Variants in ELP4 observed in about 807,000 individuals in gnomAD.
ELP4 encodes elongator complex protein 4.
Under a neutral mutation model 48.9 loss-of-function variants are expected in ELP4, and 51 were observed. The ratio of observed to expected loss-of-function variants is 1.04; its 90% confidence interval spans 0.83 to 1.32. ELP4 has a LOEUF of 1.32. ELP4 is among the 40% of genes most tolerant of loss of function. The pLI, the probability that ELP4 is intolerant of heterozygous loss-of-function variation, is 0.00. For missense variants in ELP4, 519 were observed against 514.6 expected (o/e 1.01, Z -0.08); for synonymous variants, 210 against 189.2 (o/e 1.11, Z -0.90).
At chr11:31,778,616 G>A (rs1948298469) in intron 9 of ELP4, among the ~76,000 whole-genome samples, 1 of 152,178 alleles carries the variant, frequency 6.6e-6, no homozygotes, top group Non-Finnish European at 1.5e-5. Context: ...ATTTTATTCT[G>A]ACGAGAGTCT....
At chr11:31,738,494 G>T (rs187095447) in intron 9 of ELP4, among the ~76,000 whole-genome samples, 1 of 151,792 alleles carries the variant, frequency 6.6e-6, no homozygotes, top group African/African-American at 2.4e-5. Context: ...AGCACACTGC[G>T]GGGGGCTAAG....
intron 4 of ELP4, among the ~76,000 whole-genome samples, chr11:31,603,229 G>A (rs1052270499): frequency 6.6e-6 from 1 of 151,632 alleles, no homozygotes; most frequent in South Asian, 2.1e-4. Flanking sequence ...TATCCTATAA[G>A]CTTAATTTAA....
At chr11:31,745,340 C>G (rs1947560958) in intron 9 of ELP4, among the ~76,000 whole-genome samples, 1 of 152,252 alleles carries the variant, frequency 6.6e-6, no homozygotes, top group Admixed American at 6.5e-5. Context: ...GATTCAATGC[C>G]ATCCCCATCA....
chr11:31,595,535 G>A (rs1372414982), intron 4 of ELP4, among the ~76,000 whole-genome samples: 3 of 152,188 alleles, frequency 2.0e-5, no homozygotes, highest in Non-Finnish European at 4.4e-5. Context: ...ATCTGAATAA[G>A]ACATAGTTTC....
intron 9 of ELP4, among the ~76,000 whole-genome samples, chr11:31,783,126 A>G (rs1948417716): frequency 6.6e-6 from 1 of 152,208 alleles, no homozygotes; most frequent in South Asian, 2.1e-4. Flanking sequence ...AAAGATCTTA[A>G]TACATTTTGG....
At chr11:31,673,474 G>A (rs1182772407) in intron 9 of ELP4, among the ~76,000 whole-genome samples, 1 of 152,100 alleles carries the variant, frequency 6.6e-6, no homozygotes, top group East Asian at 1.9e-4. Flanking sequence ...TATGACTACA[G>A]ACAAGTGCCA....
chr11:31,515,355 A>G (rs1212506288), intron 1 of ELP4, among the ~76,000 whole-genome samples: 1 of 152,150 alleles, frequency 6.6e-6, no homozygotes, highest in Non-Finnish European at 1.5e-5. Flanking sequence ...TTTAATACAC[A>G]TAAGATTTTT....
At chr11:31,737,615 C>T (rs891535539) in intron 9 of ELP4, among the ~76,000 whole-genome samples, 8 of 152,124 alleles carry the variant, frequency 5.3e-5, no homozygotes, top group African/African-American at 9.6e-5. Flanking sequence ...ATATAGAGAA[C>T]GCCTATAACT....
intron 9 of ELP4, among the ~76,000 whole-genome samples, chr11:31,706,783 T>C (rs1348741729): frequency 6.6e-6 from 1 of 151,970 alleles, no homozygotes; most frequent in Non-Finnish European, 1.5e-5. Context: ...TTATAATACT[T>C]CTATGACATG....
chr11:31,701,193 C>G (rs181234925), intron 9 of ELP4, among the ~76,000 whole-genome samples: 1 of 152,200 alleles, frequency 6.6e-6, no homozygotes, highest in East Asian at 1.9e-4. Context: ...ACTTCATGCT[C>G]AAGCAGTTTC....
intron 9 of ELP4, among the ~76,000 whole-genome samples, chr11:31,762,442 T>C (rs1022458186): frequency 6.6e-6 from 1 of 152,122 alleles, no homozygotes; most frequent in Admixed American, 6.5e-5. Flanking sequence ...GTTTAAAAAA[T>C]GTAAATTTTT....
At chr11:31,639,786 C>T (rs7928438) in intron 7 of ELP4, among the ~76,000 whole-genome samples, 91,995 of 151,698 alleles carry the variant, frequency 0.61, 31,644 homozygotes, top group Non-Finnish European at 0.76. Flanking sequence ...CTTAATCTAA[C>T]CAAAACATAT....
At chr11:31,668,191 A>G (rs1175865742) in intron 9 of ELP4, among the ~76,000 whole-genome samples, 2 of 152,184 alleles carry the variant, frequency 1.3e-5, no homozygotes, top group African/African-American at 2.4e-5. Flanking sequence ...ATATTTAAAT[A>G]ATTATGCTTT....
At chr11:31,511,978 T>C (rs1342355807) in intron 1 of ELP4, 1 of 152,226 alleles carries the variant, frequency 6.6e-6, no homozygotes, top group Non-Finnish European at 1.5e-5. Flanking sequence ...CAGTGAATTC[T>C]CAAAGTGCAC....
chr11:31,579,378 G>C (rs1193307527), intron 3 of ELP4, among the ~76,000 whole-genome samples: 1 of 152,150 alleles, frequency 6.6e-6, no homozygotes, highest in Non-Finnish European at 1.5e-5. Context: ...ACAGTGTGGC[G>C]ATTCCTCAAG....
intron 5 of ELP4, among the ~76,000 whole-genome samples, chr11:31,625,811 CA>C (rs1944731701): frequency 1.3e-5 from 2 of 151,696 alleles, no homozygotes; most frequent in Non-Finnish European, 2.9e-5. Context: ...GTTGATCTAG[CA>C]GGGATAGATG....
intron 3 of ELP4, among the ~76,000 whole-genome samples, chr11:31,552,489 T>C (rs1956868677): frequency 6.6e-6 from 1 of 152,122 alleles, no homozygotes; most frequent in Non-Finnish European, 1.5e-5. Context: ...CCTGAACTGC[T>C]CTCCCCAAGC....
At chr11:31,761,881 G>A (rs190144303) in intron 9 of ELP4, 1 of 152,308 alleles carries the variant, frequency 6.6e-6, no homozygotes, top group East Asian at 1.9e-4. Flanking sequence ...ATCAGTCTCA[G>A]AAGAGACTGC....
In ELP4 at chr11:31,603,767, GAT is replaced by G; in HGVS notation, c.514_515del (p.Ile172TrpfsTer13). ...AACCACTATGGGGTTTATTTTAGCA[GAT>G]TGGACCAGTATCATCTTCAAGATTT... ...WRYQLLPKME[I>X]GPVSSSRFGH... is the part of the protein sequence containing the mutation. On this transcript the variant is annotated frameshift_variant and splice_region_variant, in exon 5 of 10. Transcript: ENST00000640961. LOFTEE classifies it high-confidence loss of function. 2 of 1,607,822 alleles carry G rather than the reference GAT, an allele frequency of 1.2e-6. No homozygotes were observed. The highest frequency in any genetic ancestry group is 1.7e-6 in the Non-Finnish European group (2 of 1,176,302).
Sources: allele counts gnomAD v4.1 joint callset (sites outside exome capture counted in the v4.1 genomes callset), GRCh38; gene constraint gnomAD v4.1.1; transcripts MANE v1.5; gene names NCBI Gene and HGNC (gene_info 2026-07-23, HGNC 2026-07-21).